The following DSG2 variants were observed in gnomAD, a reference collection of about 807,000 sequenced individuals.
DSG2 encodes the protein desmoglein-2.
Under a neutral mutation model 75.6 loss-of-function variants are expected in DSG2, and 45 were observed. The ratio of observed to expected loss-of-function variants is 0.60; its 90% CI spans 0.47 to 0.76. DSG2 has a LOEUF of 0.76. DSG2 is among the 30% of genes least tolerant of loss of function. The pLI is 0.00. For missense variants in DSG2, 1,267 were observed against 1,357.4 expected (o/e 0.93, Z 1.05); for synonymous variants, 429 against 483.9 (o/e 0.89, Z 1.49).
intron 6 of DSG2, among the ~76,000 whole-genome samples, chr18:31,523,291 C>T (rs1247775132): frequency 1.3e-5 from 2 of 152,070 alleles, no homozygotes; most frequent in Non-Finnish European, 2.9e-5. Context: ...GTCCCAGCTA[C>T]TCGGGAGGCT....
rs372178321 is a variant in DSG2 at position 31,536,391 on chromosome 18, C to T, written c.1613C>T (p.Pro538Leu). 2 of 1,614,112 alleles carry T rather than the reference C, an allele frequency of 1.2e-6. No individual in the cohort carries two copies. Among genetic ancestry groups the T allele is most frequent in the African/African-American group, 2.7e-5 (2 of 75,034 alleles). Residue 538 changes from proline (P) to leucine (L), a missense_variant, in exon 11 of 15, where the codon CCT (proline) becomes CTT (leucine). Physicochemically the swap from Pro to Leu is moderately conservative, Grantham distance 98 (BLOSUM62 -3). Coordinates refer to ENST00000261590, the MANE Select transcript of DSG2 (RefSeq NM_001943.5). ...PFSFSVIDKPPGMAEKWKIAR... is the reference protein window; with the variant it reads ...PFSFSVIDKPLGMAEKWKIAR... ...AGTTTCTCCGTCATTGACAAACCAC[C>T]TGGCATGGCAGAAAAATGGAAAATA...
At chr18:31,532,982 G>A (rs2073207462) in intron 9 of DSG2, among the ~76,000 whole-genome samples, 1 of 152,104 alleles carries the variant, frequency 6.6e-6, no homozygotes, top group Admixed American at 6.6e-5. Flanking sequence ...CTGCCTGGAA[G>A]AATAATGAAC....
rs1169078227 is a variant in DSG2 at position 31,521,109 on chromosome 18, A to G, written c.389A>G (p.Tyr130Cys). The change falls in exon 5 of 15, where the codon TAC becomes TGC. Residue 130 changes from tyrosine (Y) to cysteine (C), a missense_variant. By Grantham distance (194) the Tyr-to-Cys change is radical. Transcript: ENST00000261590. ...ATGTCATGATTTCAGCTAACAGGTTACGCTTTGGATGCAAGAGGAAACAAT... is the reference window on the plus strand; with the variant it reads ...ATGTCATGATTTCAGCTAACAGGTTGCGCTTTGGATGCAAGAGGAAACAAT... ...EETPFFLLTGYALDARGNNVE... is the reference protein window; with the variant it reads ...EETPFFLLTGCALDARGNNVE... The G allele has an allele frequency of 1.2e-6, 2 of 1,614,012 alleles. No individual in the cohort carries two copies. Among genetic ancestry groups the G allele is most frequent in the East Asian group, 4.5e-5 (2 of 44,856 alleles).
At chr18:31,498,352 A>T in intron 1 of DSG2, 56 bp downstream of exon 1, 1 of 1,246,582 alleles carries the variant, frequency 8.0e-7, no homozygotes, top group Non-Finnish European at 1.0e-6. Flanking sequence ...TCGGTAGGCG[A>T]GGTCTAGACC....
chr18:31,507,300 A>G (rs975877941), intron 1 of DSG2, among the ~76,000 whole-genome samples: 1 of 152,126 alleles, frequency 6.6e-6, no homozygotes, highest in Admixed American at 6.6e-5. Context: ...GTGTATATGT[A>G]CCACATTTTC....
chr18:31,547,083 G>A lies in DSG2; in HGVS notation c.*340G>A, dbSNP rs527681357. Reference sequence around the variant, plus strand: ...GAACAGAGTACCTAGTTCATCAGCCGTCCAGTAAAGCAACCCAGGAAACTG... The same window carrying A: ...GAACAGAGTACCTAGTTCATCAGCCATCCAGTAAAGCAACCCAGGAAACTG... On this transcript the variant is annotated 3_prime_UTR_variant, in exon 15 of 15. Transcript: ENST00000261590. 11 of 385,316 alleles carry A rather than the reference G, an allele frequency of 2.9e-5. No individual in the cohort carries two copies. The highest frequency in any genetic ancestry group is 4.4e-5 in the Non-Finnish European group (9 of 203,340). 23.9% of individuals were successfully genotyped at this position (385,316 alleles called of 1,614,324 possible). A position where few individuals can be genotyped will look rare whatever the true frequency, so the allele number is the denominator to read the frequency against.
chr18:31,546,274 T>C lies in DSG2; in HGVS notation c.2888T>C (p.Val963Ala). 6.2e-7 allele frequency: 1 copy of C among 1,602,660 alleles called. No individual in the cohort carries two copies. The highest frequency in any genetic ancestry group is 8.5e-7 in the Non-Finnish European group (1 of 1,173,670). Reference sequence around the variant, plus strand: ...CCTAGCCAGCCACAGAGCCTTATTGTGACAGAGAGGGTGTATGCTCCAGCT... The same window carrying C: ...CCTAGCCAGCCACAGAGCCTTATTGCGACAGAGAGGGTGTATGCTCCAGCT... ...LGPSQPQSLI[V>A]TERVYAPAST... Residue 963 changes from valine (V) to alanine (A), a missense_variant, in exon 15 of 15, where the codon GTG becomes GCG. By Grantham distance (64) the Val-to-Ala change is moderately conservative. Transcript: ENST00000261590.
At chr18:31,532,052 C>T (rs2073201925) in intron 9 of DSG2, among the ~76,000 whole-genome samples, 1 of 152,254 alleles carries the variant, frequency 6.6e-6, no homozygotes, top group Non-Finnish European at 1.5e-5. Context: ...AGTGCCAGAG[C>T]TGCCTGGTTG....
At chr18:31,537,150 GTT>G (rs34096640) in intron 11 of DSG2, among the ~76,000 whole-genome samples, 1 of 150,396 alleles carries the variant, frequency 6.6e-6, no homozygotes, top group Non-Finnish European at 1.5e-5. Flanking sequence ...ACAATAGTCA[GTT>G]TTTTTTTTAA....
At chr18:31,542,491 T>C in intron 13 of DSG2, 29 bp from the exon 14 acceptor site, 1 of 1,611,620 alleles carries the variant, frequency 6.2e-7, no homozygotes, top group Non-Finnish European at 8.5e-7. Flanking sequence ...TCCTCCTGAC[T>C]CAGTTCTCAG....
At chr18:31,519,733 T>A in intron 2 of DSG2, 70 bp from the exon 3 acceptor site, 1 of 1,535,890 alleles carries the variant, frequency 6.5e-7, no homozygotes, top group Non-Finnish European at 9.0e-7. Context: ...TTTATTATGT[T>A]ATAGGACAGC....
chr18:31,546,280 A>T lies in DSG2; in HGVS notation c.2894A>T (p.Glu965Val). Residue 965 changes from glutamate (E) to valine (V), a missense_variant, in exon 15 of 15, where the codon GAG becomes GTG. Physicochemically the swap from Glu to Val is moderately radical, Grantham distance 121. Coordinates refer to ENST00000261590, the MANE Select transcript of DSG2 (RefSeq NM_001943.5). ...CAGCCACAGAGCCTTATTGTGACAG[A>T]GAGGGTGTATGCTCCAGCTTCTACC... Reference protein sequence around the residue: ...PSQPQSLIVTERVYAPASTLV... With the variant: ...PSQPQSLIVTVRVYAPASTLV... The T allele has an allele frequency of 6.2e-7, 1 of 1,602,624 alleles. No homozygotes were observed. The highest frequency in any genetic ancestry group is 8.5e-7 in the Non-Finnish European group (1 of 1,173,598).
At chr18:31,532,664 G>T (rs896211192) in intron 9 of DSG2, among the ~76,000 whole-genome samples, 18 of 152,040 alleles carry the variant, frequency 1.2e-4, no homozygotes, top group Admixed American at 1.1e-3. Context: ...ACATTCTTTG[G>T]CCCACTATGG....
intron 14 of DSG2, among the ~76,000 whole-genome samples, chr18:31,544,893 A>C (rs1318749248): frequency 6.6e-6 from 1 of 152,178 alleles, no homozygotes; most frequent in Non-Finnish European, 1.5e-5. Flanking sequence ...AGGGGCTTCC[A>C]TTGAGGAAAG....
At position 31,545,845 on chromosome 18, in the gene DSG2, A is replaced by C. The variant is rs748116844; in HGVS notation, c.2459A>C (p.Glu820Ala). ...SIGCCSFIEG[E>A]LDDRFLDDLG... ...GGTTGTTGCAGTTTTATTGAAGGAG[A>C]GCTAGATGACCGCTTCTTAGATGAT... is the stretch of plus-strand genomic sequence containing the variant. Residue 820 changes from glutamate (E) to alanine (A), a missense_variant, in exon 15 of 15, where the codon GAG becomes GCG. Glu to Ala is a moderately radical substitution (Grantham distance 107). Coordinates refer to ENST00000261590, the MANE Select transcript of DSG2 (RefSeq NM_001943.5). 6.2e-7 allele frequency: 1 copy of C among 1,614,172 alleles called. No individual in the cohort carries two copies. The highest frequency in any genetic ancestry group is 1.1e-5 in the South Asian group (1 of 91,078).
rs1036091744 is a variant in DSG2, at chr18:31,548,351, T to G, written c.*1608T>G. On this transcript the variant is annotated 3_prime_UTR_variant, in exon 15 of 15. Transcript: ENST00000261590. ...AATTTTCAAAGACTAATTTCTTGAC[T>G]GAAGATATTTTGCTAGGGAAGTGAA... 6.6e-6 allele frequency: 1 copy of G among 152,212 alleles called. No individual in the cohort carries two copies. Among genetic ancestry groups the G allele is most frequent in the Non-Finnish European group, 1.5e-5 (1 of 68,028 alleles). The allele number at this position is 152,212 out of a possible 1,614,324, so 9.4% of individuals were successfully genotyped here. A position where few individuals can be genotyped will look rare whatever the true frequency, so the allele number is the denominator to read the frequency against.
chr18:31,501,813 C>T (rs1363168435), intron 1 of DSG2, among the ~76,000 whole-genome samples: 1 of 152,174 alleles, frequency 6.6e-6, no homozygotes, highest in African/African-American at 2.4e-5. Context: ...TTCTGAGGTA[C>T]TGGTGGTTAG....
chr18:31,522,354 CA>C, intron 6 of DSG2, 105 bp downstream of exon 6: 4 of 1,119,428 alleles, frequency 3.6e-6, no homozygotes, highest in Non-Finnish European at 5.3e-6. Flanking sequence ...ATTCCTTATC[CA>C]TAGGATAACT....
chr18:31,517,891 G>T (rs1039910464), intron 1 of DSG2, among the ~76,000 whole-genome samples: 1 of 152,146 alleles, frequency 6.6e-6, no homozygotes, highest in East Asian at 1.9e-4. Context: ...TGGTGGCCTC[G>T]AGGAAAAGTA....
Sources: allele counts gnomAD v4.1 joint callset (sites outside exome capture counted in the v4.1 genomes callset), GRCh38; gene constraint gnomAD v4.1.1; transcripts MANE v1.5; gene names NCBI Gene and HGNC (gene_info 2026-07-23, HGNC 2026-07-21).